Variants in PRKG1 observed in about 807,000 individuals in gnomAD.
PRKG1 encodes the protein cGMP-dependent protein kinase 1.
Under a neutral mutation model 88.1 loss-of-function variants are expected in PRKG1, and 35 were observed. The ratio of observed to expected loss-of-function variants is 0.40; its 90% CI spans 0.30 to 0.53. PRKG1 has a LOEUF of 0.53. Among genes scored for constraint, PRKG1 ranks in the 20% least tolerant of loss-of-function variants. The probability of loss-of-function intolerance (pLI) is 0.59; values close to 1 mark genes in which losing one functional copy is unlikely to be tolerated. For missense variants in PRKG1, 540 were observed against 839.8 expected (o/e 0.64, Z 4.41); for synonymous variants, 303 against 292.5 (o/e 1.04, Z -0.37).
rs74133561 is a variant in PRKG1, at chr10:51,291,956, C to T, written c.478+138626C>T. Reference sequence around the variant, plus strand: ...CTTGGAGTACTTCTGAGTCTAAAACCTAAAACACTTTGATAATTTGTGGAA... The same window carrying T: ...CTTGGAGTACTTCTGAGTCTAAAACTTAAAACACTTTGATAATTTGTGGAA... On this transcript the variant is annotated intron_variant, in intron 2 of 17. Coordinates refer to ENST00000373980, the MANE Select transcript of PRKG1 (RefSeq NM_006258.4). Among the ~76,000 whole-genome samples the T allele has an allele frequency of 9.9e-3, 1,509 of 152,220 alleles. 23 individuals carry two copies. The highest frequency in any genetic ancestry group is 0.034 in the African/African-American group (1,399 of 41,534).
chr10:51,868,700 A>T (rs187002644), intron 4 of PRKG1, among the ~76,000 whole-genome samples: 2 of 152,118 alleles, frequency 1.3e-5, no homozygotes, highest in Non-Finnish European at 2.9e-5. Context: ...AAGAAAAGCT[A>T]TCTATTTCCC....
intron 2 of PRKG1, among the ~76,000 whole-genome samples, chr10:51,372,646 C>A (rs1842727561): frequency 1.3e-5 from 2 of 152,120 alleles, no homozygotes; most frequent in East Asian, 3.9e-4. Context: ...CATGTAGATA[C>A]TCTTCTCTTC....
intron 1 of PRKG1, among the ~76,000 whole-genome samples, chr10:51,010,454 G>T (rs1842980479): frequency 6.6e-6 from 1 of 152,140 alleles, no homozygotes; most frequent in Admixed American, 6.6e-5. Context: ...TCACTATGCT[G>T]AAATTAAATT....
intron 5 of PRKG1, among the ~76,000 whole-genome samples, chr10:51,948,524 C>CTGTG (rs376853403): frequency 1.9e-4 from 28 of 149,610 alleles, no homozygotes; most frequent in African/African-American, 4.9e-4. Flanking sequence ...GTGTGTGTCT[C>CTGTG]TGTGTGTGTG....
intron 2 of PRKG1, among the ~76,000 whole-genome samples, chr10:51,234,761 A>G (rs1180458156): frequency 6.6e-6 from 1 of 152,182 alleles, no homozygotes; most frequent in Non-Finnish European, 1.5e-5. Flanking sequence ...GCCAATAAAC[A>G]TTCAAGTCAA....
At chr10:51,812,361 GCCCA>G (rs1469077161) in intron 4 of PRKG1, among the ~76,000 whole-genome samples, 1 of 152,202 alleles carries the variant, frequency 6.6e-6, no homozygotes, top group East Asian at 1.9e-4. Flanking sequence ...AAACTTCTTA[GCCCA>G]ATTCATTCAA....
chr10:51,029,200 A>C (rs1843246451), intron 1 of PRKG1, among the ~76,000 whole-genome samples: 2 of 152,208 alleles, frequency 1.3e-5, no homozygotes, highest in African/African-American at 4.8e-5. Flanking sequence ...CTTTATGGCA[A>C]CAATTCAATA....
intron 3 of PRKG1, among the ~76,000 whole-genome samples, chr10:51,582,088 G>GA (rs1228572155): frequency 6.6e-6 from 1 of 152,074 alleles, no homozygotes; most frequent in African/African-American, 2.4e-5. Flanking sequence ...TAATGTAACT[G>GA]AAAAAAGGAT....
In PRKG1 at chr10:51,030,541, G is replaced by T. The variant is rs75374553; in HGVS notation, c.266+38897G>T. 7.3e-3 allele frequency among the ~76,000 whole-genome samples: 1,119 copies of T among 152,250 alleles called. 17 individuals carry two copies. Among genetic ancestry groups the T allele is most frequent in the African/African-American group, 0.026 (1,083 of 41,550 alleles). On this transcript the variant is annotated intron_variant, in intron 1 of 17. Transcript: ENST00000401604. ...AAGAAACATATTTGCAAAATTTTCA[G>T]ATGGATTACTGATATGGTTTGGATA...
chr10:51,253,369 T>C (rs1193303180), intron 2 of PRKG1, among the ~76,000 whole-genome samples: 1 of 151,828 alleles, frequency 6.6e-6, no homozygotes, highest in African/African-American at 2.4e-5. Context: ...AGTTCAAATG[T>C]AGCTGTTTTA....
chr10:52,019,708 T>G (rs1369915074), intron 5 of PRKG1, among the ~76,000 whole-genome samples: 1 of 152,208 alleles, frequency 6.6e-6, no homozygotes, highest in African/African-American at 2.4e-5. Flanking sequence ...AAGAGCTGTT[T>G]TAGCTTATAC....
intron 2 of PRKG1, among the ~76,000 whole-genome samples, chr10:51,393,247 C>T (rs974173724): frequency 4.6e-5 from 7 of 151,082 alleles, no homozygotes; most frequent in African/African-American, 1.7e-4. Context: ...AGATGCTCCC[C>T]ACATCTCAGA....
chr10:51,411,021 A>G (rs1474056921), intron 2 of PRKG1, among the ~76,000 whole-genome samples: 3 of 151,658 alleles, frequency 2.0e-5, no homozygotes, highest in African/African-American at 7.3e-5. Context: ...TTGAGATGGA[A>G]TCTCTCTCTG....
chr10:51,759,365 C>T (rs1365835658), intron 3 of PRKG1, among the ~76,000 whole-genome samples: 1 of 151,940 alleles, frequency 6.6e-6, no homozygotes, highest in African/African-American at 2.4e-5. Flanking sequence ...CTCCCAGGTT[C>T]AAGCGATTTT....
intron 2 of PRKG1, among the ~76,000 whole-genome samples, chr10:51,316,353 AG>A (rs1258596356): frequency 2.6e-5 from 4 of 152,222 alleles, no homozygotes; most frequent in African/African-American, 9.6e-5. Context: ...TATAGAATGA[AG>A]AGTTCTTAAA....
chr10:51,313,108 G>A (rs2132493325), intron 2 of PRKG1, among the ~76,000 whole-genome samples: 1 of 151,944 alleles, frequency 6.6e-6, no homozygotes, highest in South Asian at 2.1e-4. Flanking sequence ...GTGTGTGTAT[G>A]TGGGATTGTT....
chr10:51,814,498 C>T (rs1839536564), intron 4 of PRKG1, among the ~76,000 whole-genome samples: 1 of 152,012 alleles, frequency 6.6e-6, no homozygotes, highest in Non-Finnish European at 1.5e-5. Context: ...AAGCTTTGAG[C>T]TTTAATAGAG....
intron 7 of PRKG1, among the ~76,000 whole-genome samples, chr10:52,077,351 TATCTATCTAAGATATCTAAG>T (rs1211126642): frequency 1.7e-4 from 23 of 139,202 alleles, no homozygotes; most frequent in African/African-American, 4.7e-4. Flanking sequence ...TGTATAATTC[TATCTATCTAAGATATCTAAG>T]ATCTATCTAA....
rs547809325 is a variant in PRKG1 at position 51,096,896 on chromosome 10, C to G, written c.311+21995C>G. On this transcript the variant is annotated intron_variant, in intron 1 of 17. Transcript: ENST00000373980. ...TCACAACTGAGAAGAGGGTAGATGCCAGGGATGCTGCTATGTATCCTACAA... is the reference window on the plus strand; with the variant it reads ...TCACAACTGAGAAGAGGGTAGATGCGAGGGATGCTGCTATGTATCCTACAA... Among the ~76,000 whole-genome samples, 13 of 152,272 alleles carry G rather than the reference C, an allele frequency of 8.5e-5. No individual in the cohort carries two copies. In the South Asian group the frequency reaches 2.7e-3, roughly 32 times the overall value.
Sources: allele counts gnomAD v4.1 joint callset (sites outside exome capture counted in the v4.1 genomes callset), GRCh38; gene constraint gnomAD v4.1.1; transcripts MANE v1.5; gene names NCBI Gene and HGNC (gene_info 2026-07-23, HGNC 2026-07-21).